RBFOX1: variants seen among roughly 807,000 people sequenced by gnomAD.
RBFOX1 encodes the protein RNA binding protein fox-1 homolog 1.
RBFOX1 carries 8 observed loss-of-function variants against 57.7 expected under a neutral mutation model. That is an observed-to-expected ratio of 0.14 (90% CI 0.08 to 0.25). The LOEUF (loss-of-function observed/expected upper bound fraction) is 0.25, where lower values mean the gene tolerates loss of function less well. Ranked by LOEUF, RBFOX1 falls within the 10% of genes least tolerant of loss-of-function variation. The probability of loss-of-function intolerance (pLI) is 1.00; values close to 1 mark genes in which losing one functional copy is unlikely to be tolerated. For missense variants in RBFOX1, 611 were observed against 548.5 expected (o/e 1.11, Z -1.14); for synonymous variants, 326 against 222.4 (o/e 1.47, Z -4.15).
At chr16:6,564,626 G>T (rs2097232307) in intron 2 of RBFOX1, among the ~76,000 whole-genome samples, 1 of 152,108 alleles carries the variant, frequency 6.6e-6, no homozygotes, top group South Asian at 2.1e-4. Context: ...GTAGAAAGGT[G>T]GTTGGCAAGG....
In RBFOX1 at chr16:5,665,359, T is replaced by C. The variant is rs542953812; in HGVS notation, c.318+66398T>C. On this transcript the variant is annotated intron_variant, in intron 3 of 19. Transcript: ENST00000641259. ...CCTTTTCCTCCTCCAGGTTTGGCTT[T>C]AAGGACATCCTATCTTATGGGCCTT... Among the ~76,000 whole-genome samples the C allele has an allele frequency of 2.0e-5, 3 of 152,320 alleles. No individual in the cohort carries two copies. In the South Asian group the frequency reaches 6.2e-4, roughly 32 times the overall value.
chr16:6,530,863 A>G (rs1490933380), intron 2 of RBFOX1, among the ~76,000 whole-genome samples: 1 of 151,932 alleles, frequency 6.6e-6, no homozygotes, highest in Non-Finnish European at 1.5e-5. Context: ...AACATGTGGG[A>G]ATTGTAAGAG....
chr16:6,975,089 C>T (rs1038388942), intron 3 of RBFOX1, among the ~76,000 whole-genome samples: 3 of 151,956 alleles, frequency 2.0e-5, no homozygotes, highest in East Asian at 1.9e-4. Context: ...ACGGGAAAAC[C>T]TCAACAACAC....
intron 4 of RBFOX1, among the ~76,000 whole-genome samples, chr16:7,291,498 G>T (rs773346809): frequency 1.6e-4 from 25 of 152,226 alleles, no homozygotes; most frequent in South Asian, 6.2e-4. Flanking sequence ...ATACAATTTG[G>T]GAACCAATTG....
chr16:6,393,409 C>T (rs1442770646), intron 2 of RBFOX1, among the ~76,000 whole-genome samples: 1 of 152,130 alleles, frequency 6.6e-6, no homozygotes, highest in African/African-American at 2.4e-5. Flanking sequence ...ATATTGTGGG[C>T]ATTTGGGTGT....
intron 4 of RBFOX1, among the ~76,000 whole-genome samples, chr16:7,488,752 C>A (rs548288459): frequency 6.8e-6 from 1 of 148,066 alleles, no homozygotes; most frequent in African/African-American, 2.6e-5. Flanking sequence ...TACTATCTAC[C>A]TATCACTTTA....
At chr16:5,877,303 G>T (rs2057638400) in intron 4 of RBFOX1, among the ~76,000 whole-genome samples, 3 of 152,210 alleles carry the variant, frequency 2.0e-5, no homozygotes, top group Admixed American at 6.5e-5. Flanking sequence ...TTAGACCCTG[G>T]TAACTTAAAA....
chr16:5,334,614 A>G (rs1037203949), intron 1 of RBFOX1, among the ~76,000 whole-genome samples: 6 of 152,098 alleles, frequency 3.9e-5, no homozygotes, highest in African/African-American at 1.2e-4. Context: ...AAGCTATGGT[A>G]TATTTTTCAA....
At chr16:6,358,310 A>G (rs1236247575) in intron 2 of RBFOX1, among the ~76,000 whole-genome samples, 1 of 152,138 alleles carries the variant, frequency 6.6e-6, no homozygotes, top group Non-Finnish European at 1.5e-5. Flanking sequence ...TCCAAAATCA[A>G]TTATGTATAC....
chr16:6,985,591 G>T (rs1456670498), intron 3 of RBFOX1, among the ~76,000 whole-genome samples: 1 of 152,174 alleles, frequency 6.6e-6, no homozygotes, highest in Non-Finnish European at 1.5e-5. Flanking sequence ...ACTTTGGGAG[G>T]CCAAGGTGGG....
intron 2 of RBFOX1, among the ~76,000 whole-genome samples, chr16:5,543,374 GT>G (rs2045047638): frequency 6.6e-6 from 1 of 152,138 alleles, no homozygotes; most frequent in Non-Finnish European, 1.5e-5. Flanking sequence ...ATAGAACTCT[GT>G]GATATTTGAG....
chr16:5,803,456 G>A (rs1411354018), intron 3 of RBFOX1, among the ~76,000 whole-genome samples: 4 of 152,134 alleles, frequency 2.6e-5, no homozygotes, highest in Admixed American at 6.5e-5. Context: ...ATTTAACATG[G>A]CCCAGCTTCT....
chr16:6,234,313 T>C (rs1482898259), intron 1 of RBFOX1, among the ~76,000 whole-genome samples: 1 of 152,228 alleles, frequency 6.6e-6, no homozygotes, highest in Non-Finnish European at 1.5e-5. Context: ...CAAGTATCTC[T>C]CCTTTTTGGC....
intron 5 of RBFOX1, among the ~76,000 whole-genome samples, chr16:7,555,066 G>C (rs551123558): frequency 7.9e-5 from 12 of 152,104 alleles, no homozygotes; most frequent in Non-Finnish European, 1.3e-4. Flanking sequence ...TCGGATAAAG[G>C]GTATTTGCTA....
intron 3 of RBFOX1, among the ~76,000 whole-genome samples, chr16:6,848,021 G>A (rs563089419): frequency 1.1e-4 from 16 of 152,050 alleles, no homozygotes; most frequent in African/African-American, 2.2e-4. Context: ...ATAGAGACAC[G>A]GGGTCTTACC....
At chr16:7,365,846 G>C (rs1341797020) in intron 4 of RBFOX1, among the ~76,000 whole-genome samples, 1 of 152,212 alleles carries the variant, frequency 6.6e-6, no homozygotes, top group African/African-American at 2.4e-5. Flanking sequence ...ATCCAGGGTA[G>C]CTGGGACCCA....
At chr16:6,539,574 G>C (rs1198556659) in intron 2 of RBFOX1, among the ~76,000 whole-genome samples, 1 of 152,006 alleles carries the variant, frequency 6.6e-6, no homozygotes, top group African/African-American at 2.4e-5. Flanking sequence ...GAGGCAGGCA[G>C]ATCACCTAAG....
Position 7,047,983 on chromosome 16 carries a change from A to G in RBFOX1, c.-15-4074A>G, listed in dbSNP as rs181426610. On this transcript the variant is annotated intron_variant, in intron 3 of 15. Coordinates refer to ENST00000550418, the MANE Select transcript of RBFOX1 (RefSeq NM_018723.4). ...AACCTCCCCCTGCCGGGTTCAAGCGATTCTCCTGTCTCAGCCGTCTGAGTA... is the reference window on the plus strand; with the variant it reads ...AACCTCCCCCTGCCGGGTTCAAGCGGTTCTCCTGTCTCAGCCGTCTGAGTA... Among the ~76,000 whole-genome samples, 412 of 151,708 alleles carry G rather than the reference A, an allele frequency of 2.7e-3. 3 individuals carry two copies. The highest frequency in any genetic ancestry group is 9.5e-3 in the African/African-American group (395 of 41,372).
At chr16:7,619,581 C>T (rs1026143531) in intron 10 of RBFOX1, among the ~76,000 whole-genome samples, 1 of 152,122 alleles carries the variant, frequency 6.6e-6, no homozygotes, top group Non-Finnish European at 1.5e-5. Flanking sequence ...CTAAATAGTT[C>T]TGTAATAGTA....
Sources: gnomAD v4.1 joint callset for allele counts (sites outside exome capture counted in the v4.1 genomes callset) on GRCh38, gnomAD v4.1.1 for gene constraint, MANE v1.5 for transcripts, NCBI Gene and HGNC (gene_info 2026-07-23, HGNC 2026-07-21) for gene names.